SMARCAL1: variants seen among roughly 807,000 people sequenced by gnomAD.
SMARCAL1 encodes ATP-driven annealing helicase.
SMARCAL1 carries 58 observed loss-of-function variants against 94.5 expected under a neutral mutation model. The ratio of observed to expected loss-of-function variants is 0.61; its 90% CI spans 0.50 to 0.76. The LOEUF (loss-of-function observed/expected upper bound fraction) is 0.76, where lower values mean the gene tolerates loss of function less well. Ranked by LOEUF, SMARCAL1 falls within the 30% of genes least tolerant of loss-of-function variation. The pLI is 0.00. For missense variants in SMARCAL1, 1,051 were observed against 1,177.9 expected, an observed-to-expected ratio of 0.89 and a Z score of 1.58; for synonymous variants, 422 against 455.1, an observed-to-expected ratio of 0.93 and a Z score of 0.93.
At chr2:216,470,802 A>C (rs1694947076) in intron 14 of SMARCAL1, among the ~76,000 whole-genome samples, 1 of 127,188 alleles carries the variant, frequency 7.9e-6, no homozygotes, top group African/African-American at 2.9e-5. Flanking sequence ...TGGATTTTTT[A>C]AAGGGAACTT....
chr2:216,457,622 G>A (rs1213050902), intron 12 of SMARCAL1, among the ~76,000 whole-genome samples: 5 of 152,106 alleles, frequency 3.3e-5, no homozygotes, highest in Non-Finnish European at 5.9e-5. Context: ...AGAAATAAAG[G>A]TGTTCCTTGA....
intron 11 of SMARCAL1, among the ~76,000 whole-genome samples, 191 bp from the exon 12 acceptor site, chr2:216,450,654 CT>C (rs1342992583): frequency 6.6e-6 from 1 of 152,172 alleles, no homozygotes; most frequent in African/African-American, 2.4e-5. Context: ...TCATTCCTGA[CT>C]TTTTTCTCTC....
chr2:216,477,736 T>C (rs1157545637), intron 16 of SMARCAL1, among the ~76,000 whole-genome samples: 1 of 152,004 alleles, frequency 6.6e-6, no homozygotes, highest in Admixed American at 6.6e-5. Flanking sequence ...AAGTGAAAAA[T>C]CTCAAAAAGC....
chr2:216,460,093 C>T (rs1194283727), intron 12 of SMARCAL1, among the ~76,000 whole-genome samples: 1 of 152,330 alleles, frequency 6.6e-6, no homozygotes, highest in East Asian at 1.9e-4. Context: ...AAATGCTCAT[C>T]ATCACTGGCC....
At chr2:216,420,255 G>C in intron 4 of SMARCAL1, 44 bp from the exon 5 acceptor site, 1 of 1,502,598 alleles carries the variant, frequency 6.7e-7, no homozygotes, top group Non-Finnish European at 9.2e-7. Context: ...CCACATCATA[G>C]TCCCCTGCTT....
intron 14 of SMARCAL1, among the ~76,000 whole-genome samples, chr2:216,473,809 TTACCA>T (rs1456920237): frequency 4.6e-5 from 7 of 152,196 alleles, no homozygotes; most frequent in Non-Finnish European, 8.8e-5. Context: ...AAACATGCAG[TTACCA>T]TACAACACAA....
intron 8 of SMARCAL1, 108 bp downstream of exon 8, chr2:216,432,976 TCA>T: frequency 7.1e-7 from 1 of 1,416,330 alleles, no homozygotes; most frequent in Non-Finnish European, 1.0e-6. Context: ...GGATCCTGTC[TCA>T]AGTAAAGGCA....
At chr2:216,424,779 A>G (rs1693795169) in intron 6 of SMARCAL1, among the ~76,000 whole-genome samples, 1 of 152,218 alleles carries the variant, frequency 6.6e-6, no homozygotes, top group Non-Finnish European at 1.5e-5. Flanking sequence ...CTTGCTGTGA[A>G]CTACATGATT....
chr2:216,434,272 G>A (rs186428497), intron 8 of SMARCAL1, among the ~76,000 whole-genome samples: 1 of 152,314 alleles, frequency 6.6e-6, no homozygotes, highest in African/African-American at 2.4e-5. Flanking sequence ...GTCACCCCAT[G>A]TGAGGCAGGT....
chr2:216,467,813 G>A (rs1055933794), intron 13 of SMARCAL1, 131 bp from the exon 14 acceptor site: 2 of 694,006 alleles, frequency 2.9e-6, no homozygotes, highest in South Asian at 1.5e-5. Flanking sequence ...AATGATAGTC[G>A]GAGGTAAAGT....
chr2:216,477,255 G>C (rs1420188775), intron 16 of SMARCAL1, 46 bp downstream of exon 16: 3 of 1,299,116 alleles, frequency 2.3e-6, no homozygotes, highest in Non-Finnish European at 3.3e-6. Context: ...GAGCAAGGGT[G>C]GAAACTGATG....
intron 11 of SMARCAL1, among the ~76,000 whole-genome samples, chr2:216,450,037 A>C (rs1008718399): frequency 3.3e-5 from 5 of 152,098 alleles, no homozygotes; most frequent in African/African-American, 1.2e-4. Context: ...GGGTTTTGTC[A>C]TGCTGGCAAA....
Position 216,475,332 on chromosome 2 carries a change from C to T in SMARCAL1, c.2308C>T (p.Gln770Ter). The T allele has an allele frequency of 6.2e-7, 1 of 1,614,228 alleles. No individual in the cohort carries two copies. Among genetic ancestry groups the T allele is most frequent in the South Asian group, 1.1e-5 (1 of 91,078 alleles). The change falls in exon 15 of 18, where the codon CAG becomes TAG. Residue 770 changes from glutamine (Q) to a stop codon, truncating the protein, a stop_gained. Coordinates refer to ENST00000357276, the MANE Select transcript of SMARCAL1 (RefSeq NM_014140.4). LOFTEE classifies it high-confidence loss of function. This position sits in a 1 kb window ranked among gnomAD's most constrained non-coding sequence, Gnocchi z 4.4. Reference protein sequence around the residue: ...SSAEREDLCQQFQLSERHAVA... With the variant: ...SSAEREDLCQ ...AGCTGAGCGGGAGGACCTGTGCCAG[C>T]AGTTCCAACTGTCGGAGAGGCATGC...
At chr2:216,434,736 T>G (rs1379127408) in intron 8 of SMARCAL1, among the ~76,000 whole-genome samples, 1 of 151,862 alleles carries the variant, frequency 6.6e-6, no homozygotes, top group African/African-American at 2.4e-5. Flanking sequence ...TCCCAGCAAC[T>G]TGGGAGGCTG....
chr2:216,476,172 G>C (rs1695073617), intron 15 of SMARCAL1, among the ~76,000 whole-genome samples: 1 of 152,096 alleles, frequency 6.6e-6, no homozygotes, highest in African/African-American at 2.4e-5. Flanking sequence ...CTCCAGAAAA[G>C]TTATATCCCC....
intron 12 of SMARCAL1, among the ~76,000 whole-genome samples, chr2:216,460,937 A>G (rs1214632986): frequency 1.3e-5 from 2 of 152,246 alleles, no homozygotes; most frequent in Non-Finnish European, 2.9e-5. Flanking sequence ...AATTTTGAAC[A>G]TAGTCTCAGT....
chr2:216,430,330 C>G (rs552353221), intron 7 of SMARCAL1, among the ~76,000 whole-genome samples: 1 of 152,148 alleles, frequency 6.6e-6, no homozygotes, highest in African/African-American at 2.4e-5. Flanking sequence ...ATTGAACACA[C>G]CCATTAATTT....
At chr2:216,436,311 G>C (rs925925768) in intron 9 of SMARCAL1, among the ~76,000 whole-genome samples, 1 of 152,166 alleles carries the variant, frequency 6.6e-6, no homozygotes, top group Non-Finnish European at 1.5e-5. Flanking sequence ...CCTGCTTCCA[G>C]ATTTGACAAC....
intron 8 of SMARCAL1, among the ~76,000 whole-genome samples, chr2:216,434,444 C>G (rs1694032115): frequency 6.6e-6 from 1 of 152,102 alleles, no homozygotes. Flanking sequence ...TCATAAAATT[C>G]CTCTTAAAAA....
Sources: allele counts gnomAD v4.1 joint callset (sites outside exome capture counted in the v4.1 genomes callset), GRCh38; gene constraint gnomAD v4.1.1; non-coding constraint Gnocchi (gnomAD v3.1); transcripts MANE v1.5; gene names NCBI Gene and HGNC (gene_info 2026-07-23, HGNC 2026-07-21).